Variants in ITGA9 observed in about 807,000 individuals in gnomAD.
The protein encoded by ITGA9 is integrin subunit alpha 9.
Under a neutral mutation model 127.8 loss-of-function variants are expected in ITGA9, and 56 were observed. The ratio of observed to expected loss-of-function variants is 0.44; its 90% CI spans 0.35 to 0.55. The LOEUF (loss-of-function observed/expected upper bound fraction) is 0.55, where lower values mean the gene tolerates loss of function less well. Ranked by LOEUF, ITGA9 falls within the 20% of genes least tolerant of loss-of-function variation. ITGA9 has a pLI of 0.00. For synonymous variants in ITGA9, 508 were observed against 514.5 expected (o/e 0.99, Z 0.17); for missense variants, 1,196 against 1,347.1 (o/e 0.89, Z 1.76).
intron 23 of ITGA9, among the ~76,000 whole-genome samples, chr3:37,750,858 C>A (rs1438198320): frequency 6.6e-6 from 1 of 152,272 alleles, no homozygotes; most frequent in African/African-American, 2.4e-5. Context: ...GCAGCATCTG[C>A]AGTTGCATGC....
At chr3:37,682,259 A>G (rs768076447) in intron 17 of ITGA9, among the ~76,000 whole-genome samples, 1 of 152,190 alleles carries the variant, frequency 6.6e-6, no homozygotes, top group Non-Finnish European at 1.5e-5. Flanking sequence ...CTCTCCAGTT[A>G]GGCTTTCCTC....
rs559563990 is a variant in ITGA9, at chr3:37,787,870, G to A, written c.2889+2792G>A. Among the ~76,000 whole-genome samples, 68 of 152,284 alleles carry A rather than the reference G, an allele frequency of 4.5e-4. 1 individual carries two copies. Among genetic ancestry groups the A allele is most frequent in the Non-Finnish European group, 6.8e-4 (46 of 68,030 alleles). ...CTTGCATTTGGTATCGAGTGGGGGA[G>A]GAAAACAATCAGATTTTTAACCACA... is the stretch of plus-strand genomic sequence containing the variant. On this transcript the variant is annotated intron_variant, in intron 26 of 27. Transcript: ENST00000264741.
rs1238381842 is a variant in ITGA9 at position 37,481,580 on chromosome 3, G to C, written c.517G>C (p.Gly173Arg). Residue 173 changes from glycine to arginine, a missense_variant, in exon 4 of 28, where the codon GGC becomes CGC. Transcript: ENST00000264741. The stretch of plus-strand genomic sequence containing the variant: ...CATCCCCTCCAACCTCCAGGCCAAA[G>C]GCAGGACGCTGATCCCTTGCTATGA... ...YIIPSNLQAK[G>R]RTLIPCYEEY... is the part of the protein sequence containing the mutation. 1 of 1,614,146 alleles carries C rather than the reference G, an allele frequency of 6.2e-7. No individual in the cohort carries two copies. The highest frequency in any genetic ancestry group is 8.5e-7 in the Non-Finnish European group (1 of 1,180,024).
At chr3:37,812,145 C>T (rs1008495547) in intron 27 of ITGA9, among the ~76,000 whole-genome samples, 1 of 152,224 alleles carries the variant, frequency 6.6e-6, no homozygotes, top group Non-Finnish European at 1.5e-5. Context: ...ACCCTTCACA[C>T]TGCCTCAATT....
chr3:37,459,262 A>C (rs1468769504), intron 1 of ITGA9, among the ~76,000 whole-genome samples: 1 of 152,224 alleles, frequency 6.6e-6, no homozygotes, highest in Non-Finnish European at 1.5e-5. Context: ...GCTGGTAGCC[A>C]TTTGGGCTGC....
intron 22 of ITGA9, chr3:37,745,755 G>T (rs958147619): frequency 7.0e-6 from 1 of 143,622 alleles, no homozygotes; most frequent in Non-Finnish European, 1.5e-5. Context: ...CCTTCCAGTT[G>T]TTTCTCTGAA....
intron 26 of ITGA9, among the ~76,000 whole-genome samples, chr3:37,786,332 C>T (rs577797165): frequency 6.6e-6 from 1 of 152,268 alleles, no homozygotes; most frequent in Admixed American, 6.5e-5. Context: ...TCTTACAAGA[C>T]CCTGGTTGGG....
intron 18 of ITGA9, among the ~76,000 whole-genome samples, chr3:37,711,269 T>C (rs1187385265): frequency 6.6e-6 from 1 of 152,172 alleles, no homozygotes; most frequent in Non-Finnish European, 1.5e-5. Flanking sequence ...TTCTTCTCCA[T>C]ATGGGTCCCT....
At chr3:37,734,490 T>G (rs1382942989) in intron 19 of ITGA9, among the ~76,000 whole-genome samples, 1 of 152,178 alleles carries the variant, frequency 6.6e-6, no homozygotes, top group Non-Finnish European at 1.5e-5. Flanking sequence ...TTACATTTTG[T>G]CAAATTTTTG....
At chr3:37,693,047 T>C (rs1054226084) in intron 18 of ITGA9, among the ~76,000 whole-genome samples, 1 of 152,040 alleles carries the variant, frequency 6.6e-6, no homozygotes, top group Admixed American at 6.5e-5. Flanking sequence ...GGAAGAGGGG[T>C]GATTGTGAAC....
intron 15 of ITGA9, among the ~76,000 whole-genome samples, chr3:37,595,187 C>T (rs1172229623): frequency 2.0e-5 from 3 of 152,078 alleles, no homozygotes; most frequent in African/African-American, 7.2e-5. Flanking sequence ...TCACTGCAGC[C>T]TCAGCAGCCC....
chr3:37,585,895 A>G (rs1434077337), intron 15 of ITGA9, among the ~76,000 whole-genome samples: 4 of 152,178 alleles, frequency 2.6e-5, no homozygotes, highest in African/African-American at 9.6e-5. Context: ...TGAGATTCCC[A>G]TTGATCCAGA....
intron 18 of ITGA9, among the ~76,000 whole-genome samples, chr3:37,697,307 GTTATTATTATTATTATTATTA>G (rs143332603): frequency 6.3e-5 from 9 of 143,660 alleles, no homozygotes; most frequent in South Asian, 2.2e-4. Context: ...GACTACTTCT[GTTATTATTATTATTATTATTA>G]TTATTATTAT....
chr3:37,785,149 T>G, intron 26 of ITGA9, 71 bp downstream of exon 26: 1 of 1,097,902 alleles, frequency 9.1e-7, no homozygotes, highest in Non-Finnish European at 1.4e-6. Context: ...GACCTGGAGC[T>G]GGAATTTGAG....
chr3:37,452,180 C>A lies in ITGA9; in HGVS notation c.-195C>A. 1 of 156,416 alleles carries A rather than the reference C, an allele frequency of 6.4e-6. No homozygotes were observed. Among genetic ancestry groups the A allele is most frequent in the South Asian group, 2.0e-4 (1 of 4,998 alleles). The allele number at this position is 156,416 out of a possible 1,614,324, so 9.7% of individuals were successfully genotyped here. On this transcript the variant is annotated 5_prime_UTR_variant, in exon 1 of 28. Transcript: ENST00000264741. This position sits in a 1 kb window ranked among gnomAD's most constrained non-coding sequence, Gnocchi z 7.3. ...GACTGAGGACGCCGCCGCTCGGGGC[C>A]GCCCCTGTGCTCGCCTTCAGCGCCC...
rs576275386 is a variant in ITGA9, at chr3:37,549,199, G to A, written c.1689+6614G>A. Among the ~76,000 whole-genome samples, 7 of 152,294 alleles carry A rather than the reference G, an allele frequency of 4.6e-5. No individual in the cohort carries two copies. In the South Asian group the frequency reaches 6.2e-4, roughly 14 times the overall value. On this transcript the variant is annotated intron_variant, in intron 15 of 27. Coordinates refer to ENST00000264741, the MANE Select transcript of ITGA9 (RefSeq NM_002207.3). ...AGGGAAAGGGTGTGGTGAATGTTCA[G>A]CATGGGAGCTGATATCTCCGATGAG...
chr3:37,751,628 A>G (rs1235257940), intron 23 of ITGA9, among the ~76,000 whole-genome samples: 4 of 152,230 alleles, frequency 2.6e-5, no homozygotes, highest in Admixed American at 2.6e-4. Flanking sequence ...AGCCAAGGAA[A>G]AGCCACTGGA....
At chr3:37,815,361 C>T (rs977395818) in intron 27 of ITGA9, among the ~76,000 whole-genome samples, 2 of 152,324 alleles carry the variant, frequency 1.3e-5, no homozygotes, top group Admixed American at 6.5e-5. Context: ...GTAATCCCAG[C>T]GCTTTGGGAA....
At chr3:37,541,931 A>G (rs1443460447) in intron 14 of ITGA9, among the ~76,000 whole-genome samples, 1 of 152,200 alleles carries the variant, frequency 6.6e-6, no homozygotes, top group Non-Finnish European at 1.5e-5. Flanking sequence ...GCACGACTCA[A>G]CTTTGTTGAG....
Sources: gnomAD v4.1 joint callset for allele counts (sites outside exome capture counted in the v4.1 genomes callset) on GRCh38, gnomAD v4.1.1 for gene constraint, Gnocchi (gnomAD v3.1) non-coding constraint, MANE v1.5 for transcripts, NCBI Gene and HGNC (gene_info 2026-07-23, HGNC 2026-07-21) for gene names.